The following ARHGAP28 variants were observed in gnomAD, a reference collection of about 807,000 sequenced individuals.
ARHGAP28 encodes the protein Rho GTPase activating protein 28.
Under a neutral mutation model 90.7 loss-of-function variants are expected in ARHGAP28, and 56 were observed. That is an observed-to-expected ratio of 0.62 (90% confidence interval 0.50 to 0.77). ARHGAP28 has a LOEUF of 0.77. Ranked by LOEUF, ARHGAP28 falls within the 30% of genes least tolerant of loss-of-function variation. The pLI, the probability that ARHGAP28 is intolerant of heterozygous loss-of-function variation, is 0.00. For missense variants in ARHGAP28, 869 were observed against 900.9 expected (o/e 0.96, Z 0.45); for synonymous variants, 308 against 323.3 (o/e 0.95, Z 0.51).
chr18:6,819,536 C>T (rs2056613275), intron 1 of ARHGAP28, among the ~76,000 whole-genome samples: 1 of 152,136 alleles, frequency 6.6e-6, no homozygotes, highest in Non-Finnish European at 1.5e-5. Context: ...AGGGACTCTA[C>T]CGGGATGAGG....
intron 1 of ARHGAP28, among the ~76,000 whole-genome samples, 174 bp from the exon 2 acceptor site, chr18:6,824,588 T>G (rs934182986): frequency 2.0e-5 from 3 of 152,108 alleles, no homozygotes; most frequent in Non-Finnish European, 2.9e-5. Context: ...AGAATTTTTT[T>G]AAAAGGGCCA....
intron 12 of ARHGAP28, 109 bp from the exon 13 acceptor site, chr18:6,889,779 C>G: frequency 9.7e-7 from 1 of 1,027,590 alleles, no homozygotes; most frequent in Non-Finnish European, 1.5e-6. Flanking sequence ...CCATTCTATA[C>G]TTCTGACAGT....
chr18:6,825,946 A>G (rs2056659121), intron 2 of ARHGAP28, among the ~76,000 whole-genome samples: 1 of 152,146 alleles, frequency 6.6e-6, no homozygotes, highest in Middle Eastern at 3.2e-3. Flanking sequence ...TAGTATAATA[A>G]TCTATTTTGC....
intron 1 of ARHGAP28, among the ~76,000 whole-genome samples, chr18:6,734,729 G>A (rs2055911470): frequency 1.3e-5 from 2 of 152,058 alleles, no homozygotes; most frequent in South Asian, 2.1e-4. Flanking sequence ...ATTTATGTAG[G>A]CCCGTATGAG....
chr18:6,822,092 G>A (rs1600216095), intron 1 of ARHGAP28, among the ~76,000 whole-genome samples: 2 of 152,128 alleles, frequency 1.3e-5, no homozygotes, highest in South Asian at 2.1e-4. Context: ...AAACAAAGCA[G>A]TTTATAGAAC....
chr18:6,825,782 G>A (rs1262192107), intron 2 of ARHGAP28, among the ~76,000 whole-genome samples: 2 of 152,184 alleles, frequency 1.3e-5, no homozygotes, highest in Non-Finnish European at 2.9e-5. Flanking sequence ...CAAAGGACAT[G>A]ATTTCACTCT....
intron 11 of ARHGAP28, 37 bp downstream of exon 11, chr18:6,882,336 A>G (rs769023935): frequency 6.4e-7 from 1 of 1,572,054 alleles, no homozygotes; most frequent in South Asian, 1.2e-5. Flanking sequence ...ACGCTAAGAT[A>G]TAAGGTCAAT....
intron 2 of ARHGAP28, among the ~76,000 whole-genome samples, chr18:6,827,166 C>G (rs1327901087): frequency 6.6e-6 from 1 of 152,230 alleles, no homozygotes; most frequent in Non-Finnish European, 1.5e-5. Context: ...ACAAAACCGC[C>G]ATTGTCATCA....
rs189418512 is a variant in ARHGAP28 at position 6,905,736 on chromosome 18, C to T, written c.2031-3224C>T. Among the ~76,000 whole-genome samples, 232 of 152,236 alleles carry T rather than the reference C, an allele frequency of 1.5e-3. 1 individual carries two copies. The highest frequency in any genetic ancestry group is 1.8e-3 in the Non-Finnish European group (124 of 67,986). On this transcript the variant is annotated intron_variant, in intron 16 of 17. Transcript: ENST00000383472. ...AAGATTAACACACAAAAATCAATCACATTGGAACATGTGGAAACCAAATTT... is the reference window on the plus strand; with the variant it reads ...AAGATTAACACACAAAAATCAATCATATTGGAACATGTGGAAACCAAATTT...
chr18:6,756,394 T>C (rs2056110136), intron 1 of ARHGAP28, among the ~76,000 whole-genome samples: 2 of 152,134 alleles, frequency 1.3e-5, no homozygotes, highest in South Asian at 4.1e-4. Context: ...TCAGAAAATA[T>C]CCTTTCTACT....
intron 1 of ARHGAP28, among the ~76,000 whole-genome samples, chr18:6,757,423 T>C (rs2056120567): frequency 6.6e-6 from 1 of 152,142 alleles, no homozygotes; most frequent in East Asian, 1.9e-4. Context: ...AACAGAAGCT[T>C]GACCAGCTTT....
intron 6 of ARHGAP28, among the ~76,000 whole-genome samples, chr18:6,869,253 C>CTTTTTTT (rs61280250): frequency 2.2e-4 from 15 of 68,040 alleles, no homozygotes; most frequent in African/African-American, 6.7e-4. Flanking sequence ...TTTTGCCATT[C>CTTTTTTT]TTTTTTTTTT....
intron 5 of ARHGAP28, 93 bp from the exon 6 acceptor site, chr18:6,868,057 T>C: frequency 1.0e-6 from 1 of 1,002,662 alleles, no homozygotes; most frequent in South Asian, 1.5e-5. Context: ...TGAAAATAAC[T>C]CTTGTATACT....
At chr18:6,871,368 C>G (rs552324336) in intron 7 of ARHGAP28, among the ~76,000 whole-genome samples, 2 of 152,318 alleles carry the variant, frequency 1.3e-5, no homozygotes, top group African/African-American at 4.8e-5. Flanking sequence ...CAGACCCTAC[C>G]TTTACACACT....
chr18:6,778,472 A>G (rs1310137150), intron 1 of ARHGAP28, among the ~76,000 whole-genome samples: 1 of 152,206 alleles, frequency 6.6e-6, no homozygotes, highest in East Asian at 1.9e-4. Context: ...TACTGCAAGT[A>G]CCTTATGGGA....
intron 1 of ARHGAP28, among the ~76,000 whole-genome samples, chr18:6,784,660 A>C (rs1219522589): frequency 6.6e-6 from 1 of 152,250 alleles, no homozygotes; most frequent in Non-Finnish European, 1.5e-5. Flanking sequence ...ACATGATCAT[A>C]GTCAATTTCA....
intron 1 of ARHGAP28, among the ~76,000 whole-genome samples, chr18:6,824,291 C>T (rs1650190881): frequency 6.6e-6 from 1 of 152,100 alleles, no homozygotes; most frequent in African/African-American, 2.4e-5. Context: ...GTAATCCCAG[C>T]ACTTTGGGAG....
At position 6,912,655 on chromosome 18, in the gene ARHGAP28, A is replaced by C. The variant is rs1353608637; in HGVS notation, c.*501A>C. On this transcript the variant is annotated 3_prime_UTR_variant, in exon 18 of 18. Transcript: ENST00000383472. ...GCTTTCTAAAATGAATCAGTTTCTAAAGTGAAACATGCAATATTTATGCTC... is the reference window on the plus strand; with the variant it reads ...GCTTTCTAAAATGAATCAGTTTCTACAGTGAAACATGCAATATTTATGCTC... 1 of 152,252 alleles carries C rather than the reference A, an allele frequency of 6.6e-6. No homozygotes were observed. The highest frequency in any genetic ancestry group is 1.5e-5 in the Non-Finnish European group (1 of 68,050). 9.4% of individuals were successfully genotyped at this position (152,252 alleles called of 1,614,324 possible). A position where few individuals can be genotyped will look rare whatever the true frequency, so the allele number is the denominator to read the frequency against.
rs143737804 is a variant in ARHGAP28, at chr18:6,807,770, A to T, written c.123-16992A>T. On this transcript the variant is annotated intron_variant, in intron 1 of 17. Coordinates refer to ENST00000383472, the MANE Select transcript of ARHGAP28 (RefSeq NM_001366230.1). The stretch of plus-strand genomic sequence containing the variant: ...TGACGGGGCTCCTCTGAGGAGCTCC[A>T]GAGTTCTCTGTCTTTGGAGATCTCT... 2.6e-3 allele frequency among the ~76,000 whole-genome samples: 390 copies of T among 152,348 alleles called. 1 individual carries two copies. The highest frequency in any genetic ancestry group is 9.0e-3 in the African/African-American group (373 of 41,588).
Sources: allele counts gnomAD v4.1 joint callset (sites outside exome capture counted in the v4.1 genomes callset), GRCh38; gene constraint gnomAD v4.1.1; transcripts MANE v1.5; gene names NCBI Gene and HGNC (gene_info 2026-07-23, HGNC 2026-07-21).